Variants in NR3C1 observed in about 807,000 individuals in gnomAD.
The protein encoded by NR3C1 is nuclear receptor subfamily 3 group C member 1, also known as glucocorticoid receptor.
NR3C1 carries 14 observed loss-of-function variants against 74.0 expected under a neutral mutation model. The ratio of observed to expected loss-of-function variants is 0.19; its 90% CI spans 0.12 to 0.30. NR3C1 has a LOEUF of 0.30. Ranked by LOEUF, NR3C1 falls within the 10% of genes least tolerant of loss-of-function variation. NR3C1 has a pLI of 1.00. For synonymous variants in NR3C1, 308 were observed against 332.5 expected (o/e 0.93, Z 0.80); for missense variants, 695 against 909.8 (o/e 0.76, Z 3.04).
intron 7 of NR3C1, among the ~76,000 whole-genome samples, chr5:143,283,088 G>A (rs1813500406): frequency 6.6e-6 from 1 of 152,114 alleles, no homozygotes; most frequent in South Asian, 2.1e-4. Flanking sequence ...TGCCCAGGCT[G>A]GTCTTAAACT....
At chr5:143,362,430 G>A (rs1033990455) in intron 2 of NR3C1, among the ~76,000 whole-genome samples, 6 of 149,220 alleles carry the variant, frequency 4.0e-5, no homozygotes, top group South Asian at 2.1e-4. Context: ...GTGTGATCTC[G>A]GCTCACGGCA....
chr5:143,343,982 T>C (rs1828733032), intron 2 of NR3C1, among the ~76,000 whole-genome samples: 1 of 152,248 alleles, frequency 6.6e-6, no homozygotes, highest in South Asian at 2.1e-4. Context: ...TAACAAAAGA[T>C]ATTTTACTTT....
intron 2 of NR3C1, among the ~76,000 whole-genome samples, chr5:143,379,450 G>A (rs1187423064): frequency 6.6e-6 from 1 of 152,050 alleles, no homozygotes; most frequent in East Asian, 1.9e-4. Flanking sequence ...TTCCACCAGA[G>A]GCAAGGTTCA....
In NR3C1 at chr5:143,403,287, C is replaced by T. The variant is rs544099637; in HGVS notation, c.-90G>A. 5.1e-5 allele frequency: 50 copies of T among 985,460 alleles called. 1 individual carries two copies. In the South Asian group the frequency reaches 2.0e-3, roughly 39 times the overall value. The allele number at this position is 985,460 out of a possible 1,614,324, so 61.0% of individuals were successfully genotyped here. ...CGAGATAAACAACTTAGCTTGTGAACGCAGAAGGAGCAGGAGGGAAATATA... is the reference window on the plus strand; with the variant it reads ...CGAGATAAACAACTTAGCTTGTGAATGCAGAAGGAGCAGGAGGGAAATATA... On this transcript the variant is annotated 5_prime_UTR_variant, in exon 1 of 9. Coordinates refer to ENST00000394464, the MANE Select transcript of NR3C1 (RefSeq NM_000176.3).
chr5:143,320,290 G>T (rs1823077723), intron 2 of NR3C1, among the ~76,000 whole-genome samples: 1 of 152,170 alleles, frequency 6.6e-6, no homozygotes, highest in South Asian at 2.1e-4. Flanking sequence ...ACAAGCCAAA[G>T]AAAGACTGAT....
intron 3 of NR3C1, among the ~76,000 whole-genome samples, chr5:143,313,668 G>GT (rs1035466592): frequency 1.1e-4 from 16 of 152,144 alleles, no homozygotes; most frequent in African/African-American, 3.6e-4. Flanking sequence ...GCTTATGGAA[G>GT]TTAAAGCCCA....
At chr5:143,309,203 A>G (rs910011247) in intron 4 of NR3C1, among the ~76,000 whole-genome samples, 2 of 151,392 alleles carry the variant, frequency 1.3e-5, no homozygotes, top group Admixed American at 6.6e-5. Context: ...CCTCCTGAGT[A>G]GCTGGGACTA....
Position 143,300,893 on chromosome 5 carries a change from G to A in NR3C1, c.1469-130C>T. 1.9e-6 allele frequency: 2 copies of A among 1,030,890 alleles called. No homozygotes were observed. The highest frequency in any genetic ancestry group is 2.7e-5 in the East Asian group (1 of 37,712). 63.9% of individuals were successfully genotyped at this position (1,030,890 alleles called of 1,614,324 possible). A position where few individuals can be genotyped will look rare whatever the true frequency, so the allele number is the denominator to read the frequency against. On this transcript the variant is annotated intron_variant, in intron 4 of 8. Transcript: ENST00000394464. The surrounding 1 kb of genome is among the most constrained non-coding windows in gnomAD (Gnocchi z 5.2). ...GAGAAATATTTTATTTAGCAATTATGATAAAGTGACATGGAAAAGGAGAAA... is the reference window on the plus strand; with the variant it reads ...GAGAAATATTTTATTTAGCAATTATAATAAAGTGACATGGAAAAGGAGAAA...
In NR3C1 at chr5:143,403,317, T is replaced by C. The variant is rs1249234017; in HGVS notation, c.-120A>G. 4 of 985,230 alleles carry C rather than the reference T, an allele frequency of 4.1e-6. No homozygotes were observed. In the Admixed American group the frequency reaches 2.5e-4, roughly 61 times the overall value. 61.0% of individuals were successfully genotyped at this position (985,230 alleles called of 1,614,324 possible). A position where few individuals can be genotyped will look rare whatever the true frequency, so the allele number is the denominator to read the frequency against. ...AAGGAGCAGGAGGGAAATATATTTT[T>C]TTTTTCTAAAAAAAGGAAGTAAACA... On this transcript the variant is annotated 5_prime_UTR_variant, in exon 1 of 9. Coordinates refer to ENST00000394464, the MANE Select transcript of NR3C1 (RefSeq NM_000176.3).
chr5:143,294,814 A>C (rs1030856372), intron 7 of NR3C1: 5 of 623,896 alleles, frequency 8.0e-6, no homozygotes, highest in Non-Finnish European at 1.0e-5. Flanking sequence ...TCATGGCTTG[A>C]CAGCTTATTT....
In NR3C1 at chr5:143,279,176, C is replaced by T. The variant is rs914808663; in HGVS notation, c.*2713G>A. 1 of 636,078 alleles carries T rather than the reference C, an allele frequency of 1.6e-6. No individual in the cohort carries two copies. The highest frequency in any genetic ancestry group is 3.8e-5 in the Admixed American group (1 of 26,564). 39.4% of individuals were successfully genotyped at this position (636,078 alleles called of 1,614,324 possible). On this transcript the variant is annotated 3_prime_UTR_variant, in exon 9 of 9. Transcript: ENST00000394464. The stretch of plus-strand genomic sequence containing the variant: ...TATAGCACTTAAATCCACAATTAAA[C>T]ATAATTAAGATGACTTTCTTTTCCC...
intron 1 of NR3C1, among the ~76,000 whole-genome samples, chr5:143,424,102 A>T (rs959002690): frequency 2.0e-5 from 3 of 151,082 alleles, no homozygotes; most frequent in Non-Finnish European, 4.4e-5. Flanking sequence ...TGGGAGATAT[A>T]CCTAATGCTA....
chr5:143,328,778 C>T (rs1599993870), intron 2 of NR3C1, among the ~76,000 whole-genome samples: 1 of 152,312 alleles, frequency 6.6e-6, no homozygotes, highest in South Asian at 2.1e-4. Flanking sequence ...TTTGCTAAAG[C>T]ATAGCAAAAA....
chr5:143,431,780 T>C (rs1022289532), intron 1 of NR3C1, among the ~76,000 whole-genome samples: 2 of 152,218 alleles, frequency 1.3e-5, no homozygotes, highest in African/African-American at 4.8e-5. Flanking sequence ...GGCACTTTTG[T>C]AGCCTTGGAG....
intron 7 of NR3C1, among the ~76,000 whole-genome samples, chr5:143,283,113 A>G (rs958297286): frequency 2.0e-5 from 3 of 152,070 alleles, no homozygotes; most frequent in Non-Finnish European, 2.9e-5. Flanking sequence ...GGCTCAAGCA[A>G]TCCTCCTGCC....
At position 143,314,163 on chromosome 5, in the gene NR3C1, C is replaced by G. The variant is rs1281359650; in HGVS notation, c.1190G>C (p.Ser397Thr). The G allele has an allele frequency of 1.2e-6, 2 of 1,613,602 alleles. No individual in the cohort carries two copies. The highest frequency in any genetic ancestry group is 3.3e-5 in the Admixed American group (2 of 59,954). ...TVFSNGYSSP[S>T]MRPDVSSPPS... ...AGGAGAGCTTACATCTGGTCTCATG[C>G]TGGGGCTAAAGAAGGGGAAGAACAG... The change falls in exon 3 of 9, where the codon AGC (serine) becomes ACC (threonine). Residue 397 changes from serine (S) to threonine (T), a missense_variant. By Grantham distance (58) the Ser-to-Thr change is moderately conservative. Coordinates refer to ENST00000394464, the MANE Select transcript of NR3C1 (RefSeq NM_000176.3).
chr5:143,373,163 A>G (rs1253074657), intron 2 of NR3C1, among the ~76,000 whole-genome samples: 1 of 152,202 alleles, frequency 6.6e-6, no homozygotes, highest in Non-Finnish European at 1.5e-5. Context: ...ATTACCTAGC[A>G]GAAGTTGTAG....
intron 4 of NR3C1, among the ~76,000 whole-genome samples, chr5:143,303,296 G>C (rs1396919545): frequency 2.0e-5 from 3 of 150,678 alleles, no homozygotes; most frequent in Non-Finnish European, 2.9e-5. Context: ...GTTTTCAGCT[G>C]ACCCCCGTAT....
intron 2 of NR3C1, among the ~76,000 whole-genome samples, chr5:143,355,660 A>T (rs931836323): frequency 6.6e-6 from 1 of 152,184 alleles, no homozygotes; most frequent in Non-Finnish European, 1.5e-5. Flanking sequence ...GAGCAAGCCA[A>T]TTTGAGAAAT....
Sources: allele counts gnomAD v4.1 joint callset (sites outside exome capture counted in the v4.1 genomes callset), GRCh38; gene constraint gnomAD v4.1.1; non-coding constraint Gnocchi (gnomAD v3.1); transcripts MANE v1.5; gene names NCBI Gene and HGNC (gene_info 2026-07-23, HGNC 2026-07-21).